Variants in SPATA6L observed in about 807,000 individuals in gnomAD.
SPATA6L encodes the protein spermatogenesis associated 6 like, also known as spermatogenesis associated 6-like protein.
Under a neutral mutation model 49.2 loss-of-function variants are expected in SPATA6L, and 68 were observed. The observed-to-expected ratio is 1.38, with a 90% CI of 1.14 to 1.69. SPATA6L has a LOEUF of 1.69. Among genes scored for constraint, SPATA6L ranks in the 40% most tolerant of loss-of-function variants. SPATA6L has a pLI of 0.00. For synonymous variants in SPATA6L, 198 were observed against 165.7 expected, an observed-to-expected ratio of 1.19 and a Z score of -1.50; for missense variants, 668 against 464.3, an observed-to-expected ratio of 1.44 and a Z score of -4.03.
chr9:4,659,250 A>T (rs7044776), intron 2 of SPATA6L, among the ~76,000 whole-genome samples: 1 of 151,966 alleles, frequency 6.6e-6, no homozygotes, highest in African/African-American at 2.4e-5. Context: ...CTTCATCTCC[A>T]CTGTCAACCT....
Position 4,662,160 on chromosome 9 carries a change from T to TC in SPATA6L, c.40-125dup. 6.8e-7 allele frequency: 1 copy of TC among 1,464,872 alleles called. No homozygotes were observed. Among genetic ancestry groups the TC allele is most frequent in the Non-Finnish European group, 9.0e-7 (1 of 1,109,896 alleles). 90.7% of individuals were successfully genotyped at this position (1,464,872 alleles called of 1,614,324 possible). A position where few individuals can be genotyped will look rare whatever the true frequency, so the allele number is the denominator to read the frequency against. ...ACATTTTCCCCATCACCTCACTCCC[T>TC]CACCTGTACCTCCCAACGCCAACAT... is the stretch of plus-strand genomic sequence containing the variant. On this transcript the variant is annotated intron_variant, in intron 1 of 11. Transcript: ENST00000682582. The surrounding 1 kb of genome is among the most constrained non-coding windows in gnomAD (Gnocchi z 4.9).
chr9:4,656,176 C>T (rs994340197), intron 2 of SPATA6L, 87 bp from the exon 3 acceptor site: 2 of 1,106,432 alleles, frequency 1.8e-6, no homozygotes, highest in Non-Finnish European at 2.7e-6. Flanking sequence ...CAGTAGCTCA[C>T]ACCTGTAATC....
intron 3 of SPATA6L, among the ~76,000 whole-genome samples, chr9:4,645,972 G>C (rs368995408): frequency 6.6e-6 from 1 of 152,108 alleles, no homozygotes; most frequent in East Asian, 1.9e-4. Flanking sequence ...TGAAAATGAC[G>C]AATTATATAT....
intron 1 of SPATA6L, chr9:4,663,224 T>C (rs1369902634): frequency 6.2e-7 from 1 of 1,614,002 alleles, no homozygotes; most frequent in Non-Finnish European, 8.5e-7. Flanking sequence ...TCTCACCCCA[T>C]AATGCTCCGG....
Position 4,629,123 on chromosome 9 carries a change from C to T in SPATA6L, c.397G>A (p.Glu133Lys). The T allele has an allele frequency of 6.2e-7, 1 of 1,611,554 alleles. No individual in the cohort carries two copies. Among genetic ancestry groups the T allele is most frequent in the Non-Finnish European group, 8.5e-7 (1 of 1,178,966 alleles). The change falls in exon 5 of 12, where the codon GAA becomes AAA. Residue 133 changes from glutamate to lysine, a missense_variant. Glu to Lys is a moderately conservative substitution (Grantham distance 56). Coordinates refer to ENST00000682582, the MANE Select transcript of SPATA6L (RefSeq NM_001353486.2). Reference protein sequence around the residue: ...IEFSTRTAIRECVFLHRNRFL... With the variant: ...IEFSTRTAIRKCVFLHRNRFL... The stretch of plus-strand genomic sequence containing the variant: ...CTGTTTCTATGCAGAAACACACATT[C>T]TCTGATGGCTGTCCTTGTAGAAAAC...
intron 3 of SPATA6L, among the ~76,000 whole-genome samples, chr9:4,646,905 C>T (rs934557583): frequency 6.6e-6 from 1 of 152,044 alleles, no homozygotes; most frequent in African/African-American, 2.4e-5. Context: ...CCAATACACA[C>T]TGGGGCCTAC....
chr9:4,659,591 T>C lies in SPATA6L; in HGVS notation c.177+2308A>G, dbSNP rs540079561. Among the ~76,000 whole-genome samples, 3 of 152,196 alleles carry C rather than the reference T, an allele frequency of 2.0e-5. No homozygotes were observed. The South Asian group carries it at 6.2e-4, about 32-fold the overall frequency. ...ATAGGAATAATCAATATCGTGAAAA[T>C]GGCCATACTGCCCAGGGTAATTTAT... On this transcript the variant is annotated intron_variant, in intron 2 of 11. Coordinates refer to ENST00000682582, the MANE Select transcript of SPATA6L (RefSeq NM_001353486.2).
intron 3 of SPATA6L, among the ~76,000 whole-genome samples, chr9:4,648,797 C>T (rs1836105704): frequency 6.6e-6 from 1 of 152,102 alleles, no homozygotes. Flanking sequence ...ACACTGCACC[C>T]TATTTGTAGT....
chr9:4,631,858 C>T (rs1831629845), intron 4 of SPATA6L, among the ~76,000 whole-genome samples: 1 of 152,050 alleles, frequency 6.6e-6, no homozygotes, highest in African/African-American at 2.4e-5. Flanking sequence ...CACCACTCAC[C>T]AGTTCTGTGA....
At chr9:4,644,182 GCA>G (rs1491500189) in intron 3 of SPATA6L, among the ~76,000 whole-genome samples, 11 of 49,394 alleles carry the variant, frequency 2.2e-4, no homozygotes, top group Admixed American at 1.4e-3. Context: ...TGCCATCTCT[GCA>G]AAAAAAAAAA....
chr9:4,602,357 T>C (rs1289016534), intron 11 of SPATA6L, among the ~76,000 whole-genome samples: 9 of 152,050 alleles, frequency 5.9e-5, no homozygotes, highest in African/African-American at 2.2e-4. Flanking sequence ...CCAGAATCCG[T>C]CCTTTAATCT....
intron 9 of SPATA6L, among the ~76,000 whole-genome samples, chr9:4,611,164 A>C (rs560750263): frequency 1.3e-4 from 19 of 147,448 alleles, no homozygotes; most frequent in African/African-American, 4.8e-4. Context: ...GCTAGAGAGG[A>C]TGTGGAGAAA....
In SPATA6L at chr9:4,611,241, G is replaced by A. The variant is rs36178566; in HGVS notation, c.996-5801C>T. ...CAACCATTGTGGAAGTCAGTGTGGC[G>A]ATTCCTCAGGGATCTAGAACTAGAA... is the stretch of plus-strand genomic sequence containing the variant. On this transcript the variant is annotated intron_variant, in intron 9 of 11. Coordinates refer to ENST00000682582, the MANE Select transcript of SPATA6L (RefSeq NM_001353486.2). 5.5e-5 allele frequency among the ~76,000 whole-genome samples: 8 copies of A among 144,854 alleles called. No individual in the cohort carries two copies. The East Asian group carries it at 7.9e-4, about 14-fold the overall frequency.
intron 3 of SPATA6L, among the ~76,000 whole-genome samples, chr9:4,643,142 G>A (rs1834413881): frequency 2.0e-5 from 3 of 152,106 alleles, no homozygotes; most frequent in South Asian, 2.1e-4. Context: ...CAAGTAGCTC[G>A]GATTACAGGC....
intron 2 of SPATA6L, 50 bp from the exon 3 acceptor site, chr9:4,656,139 G>A (rs7872640): frequency 0.024 from 36,488 of 1,514,116 alleles, 1,809 homozygotes; most frequent in African/African-American, 0.19. Flanking sequence ...ATTAATAAGC[G>A]CATATAGAAA....
intron 1 of SPATA6L, among the ~76,000 whole-genome samples, chr9:4,665,687 C>T (rs74734377): frequency 0.02 from 3,012 of 152,312 alleles, 89 homozygotes; most frequent in African/African-American, 0.06. Context: ...TGCCACAGCA[C>T]TTCACTTAGG....
chr9:4,658,012 A>G (rs1587511237), intron 2 of SPATA6L, among the ~76,000 whole-genome samples: 1 of 152,098 alleles, frequency 6.6e-6, no homozygotes, highest in Non-Finnish European at 1.5e-5. Flanking sequence ...TTGGAATTAC[A>G]CTGCCACAAG....
At chr9:4,646,851 A>C (rs1483799663) in intron 3 of SPATA6L, among the ~76,000 whole-genome samples, 1 of 152,198 alleles carries the variant, frequency 6.6e-6, no homozygotes, top group Non-Finnish European at 1.5e-5. Context: ...TCTCACTTAA[A>C]AATGGGAGTT....
At chr9:4,663,600 G>A (rs757897960) in intron 1 of SPATA6L, 48 of 266,332 alleles carry the variant, frequency 1.8e-4, no homozygotes, top group Non-Finnish European at 2.5e-4. Context: ...TGTGTTTTGT[G>A]ATAATCCCTA....
Sources: allele counts gnomAD v4.1 joint callset (sites outside exome capture counted in the v4.1 genomes callset), GRCh38; gene constraint gnomAD v4.1.1; non-coding constraint Gnocchi (gnomAD v3.1); transcripts MANE v1.5; gene names NCBI Gene and HGNC (gene_info 2026-07-23, HGNC 2026-07-21).